The following PPP2R2B variants were observed in gnomAD, a reference collection of about 807,000 sequenced individuals.
The protein encoded by PPP2R2B is protein phosphatase 2 regulatory subunit Bbeta.
A neutral mutation model predicts 46.0 loss-of-function variants in PPP2R2B; 5 were observed. The ratio of observed to expected loss-of-function variants is 0.11; its 90% confidence interval spans 0.06 to 0.23. PPP2R2B has a LOEUF of 0.23. Among genes scored for constraint, PPP2R2B ranks in the 10% least tolerant of loss-of-function variants. The probability of loss-of-function intolerance (pLI) is 1.00; values close to 1 mark genes in which losing one functional copy is unlikely to be tolerated. For synonymous variants in PPP2R2B, 215 were observed against 206.7 expected (o/e 1.04, Z -0.34); for missense variants, 367 against 575.0 (o/e 0.64, Z 3.70).
At chr5:146,863,711 G>A (rs957388551) in intron 2 of PPP2R2B, among the ~76,000 whole-genome samples, 35 of 151,628 alleles carry the variant, frequency 2.3e-4, no homozygotes, top group African/African-American at 7.5e-4. Flanking sequence ...CTTATCCTGC[G>A]TATAATTTTT....
chr5:146,957,337 A>T (rs915697638), intron 1 of PPP2R2B, among the ~76,000 whole-genome samples: 1 of 152,216 alleles, frequency 6.6e-6, no homozygotes, highest in Non-Finnish European at 1.5e-5. Flanking sequence ...AGAAGCTCAT[A>T]GTTCAGAATG....
At chr5:147,006,245 A>G (rs1390836740) in intron 1 of PPP2R2B, among the ~76,000 whole-genome samples, 1 of 152,184 alleles carries the variant, frequency 6.6e-6, no homozygotes, top group Non-Finnish European at 1.5e-5. Flanking sequence ...GGTCTGCTCA[A>G]ACGTGGGAGT....
At chr5:146,946,118 T>A (rs1320672533) in intron 1 of PPP2R2B, among the ~76,000 whole-genome samples, 1 of 152,202 alleles carries the variant, frequency 6.6e-6, no homozygotes. Context: ...TATCCCTGTG[T>A]TCCCTTTTAA....
intron 2 of PPP2R2B, among the ~76,000 whole-genome samples, chr5:146,804,587 C>G (rs906067052): frequency 2.0e-5 from 3 of 152,102 alleles, no homozygotes; most frequent in Admixed American, 6.5e-5. Flanking sequence ...GGATTACTGA[C>G]TCTTCTGATG....
At chr5:146,958,981 CA>C (rs1752050184) in intron 1 of PPP2R2B, among the ~76,000 whole-genome samples, 1 of 152,060 alleles carries the variant, frequency 6.6e-6, no homozygotes, top group African/African-American at 2.4e-5. Context: ...TCAAACAATT[CA>C]AAAAAGCTGT....
intron 1 of PPP2R2B, among the ~76,000 whole-genome samples, chr5:146,935,905 C>T (rs1389283964): frequency 6.6e-6 from 1 of 152,048 alleles, no homozygotes; most frequent in Non-Finnish European, 1.5e-5. Context: ...GCAACTTAGG[C>T]AAGTTATGCC....
chr5:147,062,989 AGGG>A (rs1561607817), intron 2 of PPP2R2B, among the ~76,000 whole-genome samples: 1,030 of 65,160 alleles, frequency 0.016, 86 homozygotes, highest in African/African-American at 0.058. Flanking sequence ...GGAGGGAGGG[AGGG>A]AGGGAGGGGG....
intron 1 of PPP2R2B, among the ~76,000 whole-genome samples, chr5:146,959,793 G>A (rs1489446540): frequency 6.6e-6 from 1 of 152,140 alleles, no homozygotes; most frequent in Non-Finnish European, 1.5e-5. Context: ...GTCTGTGCAA[G>A]GCTTTCCAGG....
intron 2 of PPP2R2B, among the ~76,000 whole-genome samples, chr5:146,845,212 C>A (rs1241966047): frequency 1.3e-5 from 2 of 152,090 alleles, no homozygotes; most frequent in East Asian, 3.9e-4. Context: ...CAACTGAAAT[C>A]ATCTAAAGCC....
At chr5:146,809,106 A>G (rs950275020) in intron 2 of PPP2R2B, among the ~76,000 whole-genome samples, 3 of 151,918 alleles carry the variant, frequency 2.0e-5, no homozygotes, top group African/African-American at 4.8e-5. Flanking sequence ...TATGGATCCA[A>G]TGTCAGGGGC....
intron 8 of PPP2R2B, among the ~76,000 whole-genome samples, chr5:146,597,114 C>T (rs1581674953): frequency 6.6e-6 from 1 of 152,302 alleles, no homozygotes; most frequent in South Asian, 2.1e-4. Context: ...AAGCTTCCTG[C>T]TACCTGTCCT....
Position 147,019,595 on chromosome 5 carries a change from G to T in PPP2R2B, c.79+36070C>A, listed in dbSNP as rs895654932. On this transcript the variant is annotated intron_variant, in intron 1 of 8. Coordinates refer to the PPP2R2B transcript ENST00000336640. ...TTTACTTTGTTTTTTGTTTTGTTTTGTTTTTTTTTAAAAAGTCTATCTATT... is the reference window on the plus strand; with the variant it reads ...TTTACTTTGTTTTTTGTTTTGTTTTTTTTTTTTTTAAAAAGTCTATCTATT... Among the ~76,000 whole-genome samples, 4 of 151,186 alleles carry T rather than the reference G, an allele frequency of 2.6e-5. No individual in the cohort carries two copies. The South Asian group carries it at 8.4e-4, about 32-fold the overall frequency.
intron 1 of PPP2R2B, among the ~76,000 whole-genome samples, chr5:146,927,077 T>A (rs1238510570): frequency 6.6e-6 from 1 of 152,126 alleles, no homozygotes; most frequent in Non-Finnish European, 1.5e-5. Context: ...TGGGTTGAGG[T>A]GGATGAGAGG....
At chr5:146,791,104 C>A (rs1198326741) in intron 2 of PPP2R2B, among the ~76,000 whole-genome samples, 1 of 152,148 alleles carries the variant, frequency 6.6e-6, no homozygotes, top group African/African-American at 2.4e-5. Flanking sequence ...CTTTTAGGAC[C>A]TGTTTCTCTT....
At chr5:146,705,928 TTTCTC>T (rs1294686234) in intron 2 of PPP2R2B, among the ~76,000 whole-genome samples, 1 of 151,832 alleles carries the variant, frequency 6.6e-6, no homozygotes, top group Non-Finnish European at 1.5e-5. Context: ...GAATATATCT[TTTCTC>T]TTTTTTTTTT....
chr5:146,896,209 T>C (rs1762639380), intron 1 of PPP2R2B, among the ~76,000 whole-genome samples: 1 of 152,218 alleles, frequency 6.6e-6, no homozygotes, highest in East Asian at 1.9e-4. Flanking sequence ...GTTTACCTCA[T>C]AATCAAATCA....
At chr5:146,735,830 A>G (rs1408694703) in intron 2 of PPP2R2B, among the ~76,000 whole-genome samples, 1 of 152,216 alleles carries the variant, frequency 6.6e-6, no homozygotes, top group African/African-American at 2.4e-5. Flanking sequence ...AGGAATAAAG[A>G]GTCATCTATT....
At chr5:146,938,701 T>C (rs1764229688) in intron 1 of PPP2R2B, among the ~76,000 whole-genome samples, 1 of 151,938 alleles carries the variant, frequency 6.6e-6, no homozygotes, top group South Asian at 2.1e-4. Flanking sequence ...GTTGATCATT[T>C]TTATGTTCTA....
At chr5:146,720,642 A>G (rs1242065784) in intron 2 of PPP2R2B, among the ~76,000 whole-genome samples, 1 of 152,212 alleles carries the variant, frequency 6.6e-6, no homozygotes, top group Non-Finnish European at 1.5e-5. Flanking sequence ...CCCACAGTTC[A>G]TACATTAACA....
Sources: allele counts gnomAD v4.1 joint callset (sites outside exome capture counted in the v4.1 genomes callset), GRCh38; gene constraint gnomAD v4.1.1; transcripts MANE v1.5; gene names NCBI Gene and HGNC (gene_info 2026-07-23, HGNC 2026-07-21).